Variants in IL1RAPL2 observed in about 807,000 individuals in gnomAD.
IL1RAPL2 encodes the protein interleukin 1 receptor accessory protein like 2, also known as X-linked interleukin-1 receptor accessory protein-like 2.
A neutral mutation model predicts 44.1 loss-of-function variants in IL1RAPL2; 3 were observed. The observed-to-expected ratio is 0.07, with a 90% CI of 0.03 to 0.18. The LOEUF is 0.18. Ranked by LOEUF, IL1RAPL2 falls within the 10% of genes least tolerant of loss-of-function variation. The pLI, the probability that IL1RAPL2 is intolerant of heterozygous loss-of-function variation, is 1.00. For synonymous variants in IL1RAPL2, 181 were observed against 178.8 expected (o/e 1.01, Z -0.10); for missense variants, 391 against 496.4 (o/e 0.79, Z 2.02).
At chrX:105,343,068 G>A (rs1000416595) in intron 5 of IL1RAPL2, among the ~76,000 whole-genome samples, 6 of 110,687 alleles carry the variant, frequency 5.4e-5, no homozygotes, top group Non-Finnish European at 7.6e-5. Context: ...AGGAATCCTC[G>A]AACATAGAAA....
intron 2 of IL1RAPL2, among the ~76,000 whole-genome samples, chrX:105,007,335 A>G (rs1297530144): frequency 2.7e-5 from 3 of 111,532 alleles, no homozygotes; most frequent in Non-Finnish European, 5.7e-5. Flanking sequence ...TGTGGAAACT[A>G]TGTCCCAAAC....
At chrX:105,295,697 C>G (rs2034649198) in intron 5 of IL1RAPL2, among the ~76,000 whole-genome samples, 2 of 112,090 alleles carry the variant, frequency 1.8e-5, no homozygotes, top group South Asian at 3.7e-4. Flanking sequence ...TGTGTTACAT[C>G]TGTGCATACA....
chrX:104,908,182 T>C (rs1924093328), intron 2 of IL1RAPL2, among the ~76,000 whole-genome samples: 1 of 111,790 alleles, frequency 8.9e-6, no homozygotes, highest in African/African-American at 3.3e-5. Context: ...CCTTTTATTT[T>C]GAGCCTATGT....
intron 6 of IL1RAPL2, among the ~76,000 whole-genome samples, chrX:105,543,443 T>C (rs945257283): frequency 3.6e-5 from 4 of 112,315 alleles, no homozygotes; most frequent in South Asian, 3.7e-4. Context: ...GGCTTCCTCA[T>C]CCATTCATAG....
intron 2 of IL1RAPL2, among the ~76,000 whole-genome samples, chrX:105,126,045 C>T (rs1350728064): frequency 1.8e-5 from 2 of 111,237 alleles, no homozygotes; most frequent in Non-Finnish European, 3.8e-5. Context: ...CAGTACCCCT[C>T]TGTAATGGCA....
chrX:105,413,205 A>G (rs2035709530), intron 5 of IL1RAPL2, among the ~76,000 whole-genome samples: 1 of 112,028 alleles, frequency 8.9e-6, no homozygotes, highest in Admixed American at 9.5e-5. Flanking sequence ...TGTCGATAAC[A>G]TGGGTTTTTT....
intron 6 of IL1RAPL2, among the ~76,000 whole-genome samples, chrX:105,597,494 T>A (rs539916987): frequency 2.7e-5 from 3 of 110,552 alleles, no homozygotes; most frequent in African/African-American, 9.9e-5. Flanking sequence ...CTTACAATCA[T>A]GGCAAAAGGT....
chrX:105,102,145 G>T (rs757094995), intron 2 of IL1RAPL2, among the ~76,000 whole-genome samples: 2 of 111,411 alleles, frequency 1.8e-5, no homozygotes, highest in African/African-American at 6.5e-5. Context: ...CATTTAGCTG[G>T]GCCCAAGTTT....
intron 2 of IL1RAPL2, among the ~76,000 whole-genome samples, chrX:104,827,318 TGGTGG>T (rs1921481317): frequency 9.0e-6 from 1 of 111,436 alleles, no homozygotes; most frequent in Non-Finnish European, 1.9e-5. Flanking sequence ...AAGGCAGGCC[TGGTGG>T]TGACAAAATC....
chrX:104,902,285 C>G (rs1923842496), intron 2 of IL1RAPL2, among the ~76,000 whole-genome samples: 1 of 111,966 alleles, frequency 8.9e-6, no homozygotes, highest in Admixed American at 9.5e-5. Context: ...TAATTCTTAC[C>G]AAGTACTTTT....
chrX:105,473,921 A>G (rs763689984), intron 5 of IL1RAPL2, among the ~76,000 whole-genome samples: 10 of 111,950 alleles, frequency 8.9e-5, no homozygotes, highest in African/African-American at 3.2e-4. Flanking sequence ...AATTTTATCT[A>G]TATTTTATTT....
At chrX:105,115,525 G>A (rs758601261) in intron 2 of IL1RAPL2, among the ~76,000 whole-genome samples, 2 of 112,048 alleles carry the variant, frequency 1.8e-5, no homozygotes, top group East Asian at 2.8e-4. Flanking sequence ...ACAGAGTGTC[G>A]ATTGGTGTAT....
At chrX:104,689,042 A>G (rs1262563649) in intron 2 of IL1RAPL2, among the ~76,000 whole-genome samples, 1 of 111,728 alleles carries the variant, frequency 9.0e-6, no homozygotes, top group East Asian at 2.8e-4. Context: ...TGGTCCAGAG[A>G]CCCTGAGAGA....
At chrX:104,615,894 T>G (rs1017039243) in intron 1 of IL1RAPL2, among the ~76,000 whole-genome samples, 1 of 112,091 alleles carries the variant, frequency 8.9e-6, no homozygotes, top group African/African-American at 3.2e-5. Flanking sequence ...CATCTGTTGT[T>G]TCTTGACTTT....
intron 2 of IL1RAPL2, among the ~76,000 whole-genome samples, chrX:104,690,486 G>A (rs1339653610): frequency 8.9e-6 from 1 of 112,190 alleles, no homozygotes; most frequent in Non-Finnish European, 1.9e-5. Context: ...CTTATCCCAC[G>A]CTTGCCAAGC....
At chrX:105,579,728 G>GT (rs1569455825) in intron 6 of IL1RAPL2, among the ~76,000 whole-genome samples, 1 of 111,826 alleles carries the variant, frequency 8.9e-6, no homozygotes, top group Non-Finnish European at 1.9e-5. Flanking sequence ...TCAAGATCAC[G>GT]TAAGTATGAA....
chrX:105,295,155 A>C (rs2034645155), intron 5 of IL1RAPL2, among the ~76,000 whole-genome samples: 1 of 111,300 alleles, frequency 9.0e-6, no homozygotes, highest in Non-Finnish European at 1.9e-5. Context: ...GTTATGAAGG[A>C]CCTTGAAAGC....
intron 2 of IL1RAPL2, among the ~76,000 whole-genome samples, chrX:104,978,541 C>T (rs758889698): frequency 2.7e-5 from 3 of 111,911 alleles, no homozygotes; most frequent in East Asian, 2.8e-4. Context: ...AATATCACCA[C>T]GATCATTTGA....
intron 2 of IL1RAPL2, among the ~76,000 whole-genome samples, chrX:105,053,980 G>A (rs754535404): frequency 1.5e-4 from 17 of 111,272 alleles, no homozygotes; most frequent in Non-Finnish European, 2.1e-4. Flanking sequence ...AGCCTGGGTA[G>A]CAGAGTGAGA....
Sources: allele counts gnomAD v4.1 joint callset (sites outside exome capture counted in the v4.1 genomes callset), GRCh38; gene constraint gnomAD v4.1.1; transcripts MANE v1.5; gene names NCBI Gene and HGNC (gene_info 2026-07-23, HGNC 2026-07-21).